The following MYO16 variants were observed in gnomAD, a reference collection of about 807,000 sequenced individuals.
MYO16 encodes the protein unconventional myosin-XVI.
Under a neutral mutation model 205.3 loss-of-function variants are expected in MYO16, and 94 were observed. The ratio of observed to expected loss-of-function variants is 0.46; its 90% confidence interval spans 0.39 to 0.54. The LOEUF is 0.54. MYO16 is among the 20% of genes least tolerant of loss of function. The probability of loss-of-function intolerance (pLI) is 0.00; values close to 1 mark genes in which losing one functional copy is unlikely to be tolerated. For synonymous variants in MYO16, 988 were observed against 954.0 expected, an observed-to-expected ratio of 1.04 and a Z score of -0.66; for missense variants, 2,315 against 2,387.5, an observed-to-expected ratio of 0.97 and a Z score of 0.63.
intron 13 of MYO16, among the ~76,000 whole-genome samples, chr13:108,883,863 G>A (rs770140273): frequency 1.2e-4 from 19 of 152,098 alleles, no homozygotes; most frequent in Non-Finnish European, 2.4e-4. Context: ...GGGCTCAAGC[G>A]ATCCTCTTGT....
the MYO16 span, among the ~76,000 whole-genome samples, chr13:108,496,416 A>G: frequency 7.9e-5 from 12 of 152,302 alleles, no homozygotes; most frequent in Middle Eastern, 3.4e-3. Context: ...ACAAAGATGT[A>G]GAGTGAAGGA....
intron 4 of MYO16, among the ~76,000 whole-genome samples, chr13:108,734,836 A>G (rs553268921): frequency 6.6e-6 from 1 of 152,182 alleles, no homozygotes; most frequent in Admixed American, 6.5e-5. Context: ...TCTTCACTTC[A>G]TTTTCCAGCG....
the MYO16 span, among the ~76,000 whole-genome samples, chr13:108,544,309 G>C: frequency 6.6e-6 from 1 of 152,034 alleles, no homozygotes; most frequent in East Asian, 1.9e-4. Flanking sequence ...TAAAACCTTA[G>C]ATATGAGATG....
intron 27 of MYO16, among the ~76,000 whole-genome samples, chr13:109,081,258 A>C (rs1442002277): frequency 6.6e-6 from 1 of 152,210 alleles, no homozygotes; most frequent in Non-Finnish European, 1.5e-5. Flanking sequence ...ATAAAATCTA[A>C]CAAAGTAAAA....
chr13:109,019,937 T>G lies in MYO16; in HGVS notation c.2796+26T>G, dbSNP rs749197374. ...GTAAGTGGCCAGAACTGCATAATTT[T>G]TCATGTGCACTAATGATCAAAGGTC... On this transcript the variant is annotated intron_variant, in intron 23 of 34. Transcript: ENST00000457511. 1.9e-5 allele frequency: 31 copies of G among 1,607,196 alleles called. 1 individual carries two copies. Among genetic ancestry groups the G allele is most frequent in the Middle Eastern group, 3.3e-4 (2 of 6,036 alleles).
At chr13:109,196,565 C>A (rs1775080853) in intron 34 of MYO16, among the ~76,000 whole-genome samples, 1 of 152,122 alleles carries the variant, frequency 6.6e-6, no homozygotes, top group African/African-American at 2.4e-5. Flanking sequence ...CTTACATAAT[C>A]CTGTCTTAAG....
At chr13:109,168,190 T>C (rs1194646698) in intron 33 of MYO16, among the ~76,000 whole-genome samples, 2 of 151,992 alleles carry the variant, frequency 1.3e-5, no homozygotes, top group Non-Finnish European at 2.9e-5. Context: ...TCTGAGACAG[T>C]AGATATGAAA....
intron 20 of MYO16, among the ~76,000 whole-genome samples, chr13:108,976,127 A>G (rs395748): frequency 0.87 from 132,247 of 152,120 alleles, 57,918 homozygotes; most frequent in Middle Eastern, 0.94. Context: ...ATAAGAAAAC[A>G]TCTAGAAACT....
At chr13:108,707,409 C>A (rs1883552535) in intron 2 of MYO16, among the ~76,000 whole-genome samples, 1 of 152,148 alleles carries the variant, frequency 6.6e-6, no homozygotes, top group Non-Finnish European at 1.5e-5. Context: ...GGTGACAGAA[C>A]AATTTGTATC....
At chr13:108,651,879 A>G (rs747413248) in intron 1 of MYO16, among the ~76,000 whole-genome samples, 1 of 152,194 alleles carries the variant, frequency 6.6e-6, no homozygotes, top group Non-Finnish European at 1.5e-5. Flanking sequence ...ATAAAGAGGG[A>G]TATAGACCTG....
At chr13:109,142,176 A>G (rs1369929385) in intron 32 of MYO16, among the ~76,000 whole-genome samples, 1 of 152,214 alleles carries the variant, frequency 6.6e-6, no homozygotes, top group Non-Finnish European at 1.5e-5. Context: ...CCTTCAGATG[A>G]CACGACCTCA....
intron 33 of MYO16, chr13:109,167,395 A>G (rs1480816331): frequency 2.0e-5 from 3 of 152,190 alleles, no homozygotes; most frequent in African/African-American, 7.2e-5. Context: ...AAAAAAATCA[A>G]AAGACTAAGT....
At chr13:109,047,071 A>G in intron 24 of MYO16, 80 bp downstream of exon 24, 1 of 1,064,072 alleles carries the variant, frequency 9.4e-7, no homozygotes, top group Non-Finnish European at 1.4e-6. Flanking sequence ...ATATTTTCCT[A>G]GAAAATATGC....
At chr13:108,525,941 ATTT>A in the MYO16 span, among the ~76,000 whole-genome samples, 14 of 145,598 alleles carry the variant, frequency 9.6e-5, no homozygotes, top group Non-Finnish European at 1.9e-4. Flanking sequence ...CCTAGGTCTG[ATTT>A]TTTTTTTTTT....
At chr13:108,782,894 C>T (rs1218239125) in intron 4 of MYO16, among the ~76,000 whole-genome samples, 1 of 152,210 alleles carries the variant, frequency 6.6e-6, no homozygotes, top group Non-Finnish European at 1.5e-5. Flanking sequence ...GCCTAGATTT[C>T]AGAAGGTGTA....
At chr13:108,534,648 T>G in the MYO16 span, among the ~76,000 whole-genome samples, 1 of 151,946 alleles carries the variant, frequency 6.6e-6, no homozygotes, top group Non-Finnish European at 1.5e-5. Context: ...CAAAGAGGAA[T>G]CTCTGCTCTT....
At chr13:108,808,833 A>C (rs1186196786) in intron 7 of MYO16, among the ~76,000 whole-genome samples, 1 of 152,192 alleles carries the variant, frequency 6.6e-6, no homozygotes, top group African/African-American at 2.4e-5. Flanking sequence ...GCCACACATG[A>C]TACATGCCAT....
chr13:108,901,616 C>T (rs1266656453), intron 15 of MYO16, among the ~76,000 whole-genome samples: 2 of 152,156 alleles, frequency 1.3e-5, no homozygotes, highest in East Asian at 3.9e-4. Context: ...CTATGACAGG[C>T]ATGCTCCACC....
At chr13:108,525,969 G>T in the MYO16 span, among the ~76,000 whole-genome samples, 1 of 146,952 alleles carries the variant, frequency 6.8e-6, no homozygotes, top group African/African-American at 2.6e-5. Context: ...GGAGGGGATA[G>T]GGAGGAGAGA....
Sources: allele counts gnomAD v4.1 joint callset (sites outside exome capture counted in the v4.1 genomes callset), GRCh38; gene constraint gnomAD v4.1.1; transcripts MANE v1.5; gene names NCBI Gene and HGNC (gene_info 2026-07-23, HGNC 2026-07-21).